LEKR1: variants seen among roughly 807,000 people sequenced by gnomAD.
LEKR1 encodes leucine, glutamate and lysine rich 1.
In LEKR1, 59 loss-of-function variants were observed where a neutral mutation model predicts 72.4. The observed-to-expected ratio is 0.82, with a 90% CI of 0.66 to 1.01. The LOEUF (loss-of-function observed/expected upper bound fraction) is 1.01, where lower values mean the gene tolerates loss of function less well. Among genes scored for constraint, LEKR1 ranks in the 50% least tolerant of loss-of-function variants. The pLI is 0.00. For missense variants in LEKR1, 728 were observed against 759.2 expected (o/e 0.96, Z 0.48); for synonymous variants, 257 against 263.2 (o/e 0.98, Z 0.23).
At chr3:156,829,435 TCTAAAAC>T in intron 2 of LEKR1, 58 bp downstream of exon 2, 1 of 1,242,750 alleles carries the variant, frequency 8.0e-7, no homozygotes, top group Admixed American at 2.2e-5. Flanking sequence ...GTTACATAAT[TCTAAAAC>T]CTAGAGGAGT....
At chr3:156,986,997 T>C (rs2108005078) in intron 7 of LEKR1, among the ~76,000 whole-genome samples, 1 of 152,014 alleles carries the variant, frequency 6.6e-6, no homozygotes, top group East Asian at 1.9e-4. Flanking sequence ...TAGCATCACC[T>C]TTCAAAGTGG....
At chr3:156,960,158 T>C (rs1420053687) in intron 6 of LEKR1, among the ~76,000 whole-genome samples, 3 of 152,252 alleles carry the variant, frequency 2.0e-5, no homozygotes, top group African/African-American at 4.8e-5. Context: ...GTTCTAACTC[T>C]GATGGCATTT....
chr3:157,039,214 A>G (rs762856507), intron 12 of LEKR1, among the ~76,000 whole-genome samples: 13 of 152,186 alleles, frequency 8.5e-5, no homozygotes, highest in Non-Finnish European at 1.3e-4. Flanking sequence ...CTTCTTACAT[A>G]CTTTTTAAAA....
intron 3 of LEKR1, among the ~76,000 whole-genome samples, chr3:156,891,212 G>A (rs1274038040): frequency 6.6e-6 from 1 of 151,934 alleles, no homozygotes; most frequent in East Asian, 1.9e-4. Flanking sequence ...AGAATTTATG[G>A]GAAACTAGAA....
At chr3:156,987,161 G>T (rs1730764198) in intron 7 of LEKR1, among the ~76,000 whole-genome samples, 1 of 152,040 alleles carries the variant, frequency 6.6e-6, no homozygotes, top group African/African-American at 2.4e-5. Flanking sequence ...ACCACTATTT[G>T]CTAAGAGTAA....
At chr3:156,969,242 C>T (rs1237269211) in intron 6 of LEKR1, among the ~76,000 whole-genome samples, 3 of 152,090 alleles carry the variant, frequency 2.0e-5, no homozygotes, top group Non-Finnish European at 4.4e-5. Context: ...CAGACACATT[C>T]AAAAGCTAGC....
rs1000617204 is a variant in LEKR1 at position 156,886,307 on chromosome 3, A to G, written c.263+33325A>G. On this transcript the variant is annotated intron_variant, in intron 3 of 12. Coordinates refer to ENST00000356539, the MANE Select transcript of LEKR1 (RefSeq NM_001004316.3). ...GCTGTTCTCACTCCTGCTATGCCCC[A>G]CTCAGACTTTACCCCAGGCCGTGAG... Among the ~76,000 whole-genome samples, 3 of 151,980 alleles carry G rather than the reference A, an allele frequency of 2.0e-5. No homozygotes were observed. In the East Asian group the frequency reaches 5.8e-4, roughly 30 times the overall value.
chr3:156,875,957 G>C (rs1431606486), intron 3 of LEKR1, among the ~76,000 whole-genome samples: 3 of 130,354 alleles, frequency 2.3e-5, no homozygotes, highest in Non-Finnish European at 4.6e-5. Flanking sequence ...ATCGCACCAA[G>C]GCACTCCAGC....
intron 2 of LEKR1, among the ~76,000 whole-genome samples, chr3:156,848,476 G>T (rs1398219498): frequency 6.6e-6 from 1 of 152,096 alleles, no homozygotes; most frequent in Non-Finnish European, 1.5e-5. Context: ...TGTAGGCTTT[G>T]CCATTTCATT....
At chr3:156,916,776 G>T (rs1171754481) in intron 3 of LEKR1, among the ~76,000 whole-genome samples, 3 of 152,090 alleles carry the variant, frequency 2.0e-5, no homozygotes, top group Non-Finnish European at 2.9e-5. Context: ...ACTCTGGTCA[G>T]AACTTTCAAT....
chr3:157,027,644 C>T (rs1056301483), intron 11 of LEKR1, among the ~76,000 whole-genome samples: 1 of 151,952 alleles, frequency 6.6e-6, no homozygotes, highest in African/African-American at 2.4e-5. Context: ...AGAGAGACAC[C>T]ATCTCTACAA....
At chr3:157,044,862 T>C (rs1479462847) in intron 12 of LEKR1, among the ~76,000 whole-genome samples, 1 of 152,232 alleles carries the variant, frequency 6.6e-6, no homozygotes, top group Admixed American at 6.5e-5. Context: ...TTCAATCTTA[T>C]ACTTCAAGCA....
intron 5 of LEKR1, among the ~76,000 whole-genome samples, chr3:156,941,967 AT>A (rs1395126496): frequency 6.6e-6 from 1 of 152,040 alleles, no homozygotes; most frequent in African/African-American, 2.4e-5. Context: ...TTCTGGTCTT[AT>A]TGGGGGGGAT....
chr3:156,895,322 AACC>A (rs1176089043), intron 3 of LEKR1, among the ~76,000 whole-genome samples: 1 of 152,198 alleles, frequency 6.6e-6, no homozygotes, highest in Non-Finnish European at 1.5e-5. Context: ...TGCAAATCAA[AACC>A]ACAATGAGGC....
chr3:156,962,719 A>T (rs766089805), intron 6 of LEKR1, among the ~76,000 whole-genome samples: 3 of 152,202 alleles, frequency 2.0e-5, no homozygotes, highest in Non-Finnish European at 4.4e-5. Flanking sequence ...GGAATTTTCT[A>T]TAATGATCAT....
At chr3:156,855,471 T>C (rs1227989489) in intron 3 of LEKR1, among the ~76,000 whole-genome samples, 1 of 152,218 alleles carries the variant, frequency 6.6e-6, no homozygotes. Flanking sequence ...TTGGGTTATT[T>C]GCTTATTTTT....
chr3:156,968,066 A>G (rs929305047), intron 6 of LEKR1, among the ~76,000 whole-genome samples: 23 of 152,328 alleles, frequency 1.5e-4, no homozygotes, highest in African/African-American at 5.5e-4. Context: ...TTTACAGACA[A>G]GCAAATGCTG....
intron 1 of LEKR1, among the ~76,000 whole-genome samples, chr3:156,828,196 C>T (rs1418510343): frequency 4.6e-5 from 7 of 152,344 alleles, no homozygotes; most frequent in African/African-American, 1.7e-4. Flanking sequence ...TTTGTGCTAA[C>T]ACAGGGAACA....
intron 3 of LEKR1, among the ~76,000 whole-genome samples, chr3:156,917,162 G>C (rs1723737302): frequency 6.6e-6 from 1 of 152,044 alleles, no homozygotes; most frequent in African/African-American, 2.4e-5. Flanking sequence ...GATAGCAGAA[G>C]TTAAAACTTT....
Sources: allele counts gnomAD v4.1 joint callset (sites outside exome capture counted in the v4.1 genomes callset), GRCh38; gene constraint gnomAD v4.1.1; transcripts MANE v1.5; gene names NCBI Gene and HGNC (gene_info 2026-07-23, HGNC 2026-07-21).